Variants in KIAA0586 observed in about 807,000 individuals in gnomAD.
KIAA0586 encodes the protein protein TALPID3.
In KIAA0586, 144 loss-of-function variants were observed where a neutral mutation model predicts 169.8. The ratio of observed to expected loss-of-function variants is 0.85; its 90% CI spans 0.74 to 0.97. The LOEUF (loss-of-function observed/expected upper bound fraction) is 0.97, where lower values mean the gene tolerates loss of function less well. Ranked by LOEUF, KIAA0586 falls within the 50% of genes least tolerant of loss-of-function variation. KIAA0586 has a pLI of 0.00. For synonymous variants in KIAA0586, 625 were observed against 612.4 expected (o/e 1.02, Z -0.30); for missense variants, 1,854 against 1,823.0 (o/e 1.02, Z -0.31).
At chr14:58,540,932 G>T (rs927734032) in intron 30 of KIAA0586, among the ~76,000 whole-genome samples, 1 of 152,248 alleles carries the variant, frequency 6.6e-6, no homozygotes, top group Non-Finnish European at 1.5e-5. Context: ...GGTTAAGTAT[G>T]TGAGGAGAAT....
chr14:58,477,409 C>G (rs772469413), intron 20 of KIAA0586, among the ~76,000 whole-genome samples, 168 bp downstream of exon 20: 8 of 152,198 alleles, frequency 5.3e-5, no homozygotes, highest in Non-Finnish European at 8.8e-5. Flanking sequence ...CTCTCACCCT[C>G]TTATTTCATA....
chr14:58,483,035 A>C (rs371530325), intron 21 of KIAA0586, among the ~76,000 whole-genome samples: 1 of 152,242 alleles, frequency 6.6e-6, no homozygotes, highest in East Asian at 1.9e-4. Flanking sequence ...AAAGTGTGAT[A>C]AAATGAACAT....
chr14:58,456,654 A>G, intron 9 of KIAA0586, 48 bp from the exon 10 acceptor site: 1 of 1,026,988 alleles, frequency 9.7e-7, no homozygotes, highest in Non-Finnish European at 1.5e-6. Flanking sequence ...CAATTTAGGA[A>G]ACTTTTTCAA....
Position 58,427,919 on chromosome 14 carries a change from A to G in KIAA0586, c.-346A>G. The stretch of plus-strand genomic sequence containing the variant: ...TTTGCTTGACTGCCTCTTCTCAACA[A>G]ATTTTAAGCCCGCCACTACATGTGT... On this transcript the variant is annotated 5_prime_UTR_variant, in exon 1 of 31. Transcript: ENST00000652326. The G allele has an allele frequency of 7.3e-7, 1 of 1,374,352 alleles. No individual in the cohort carries two copies. 85.1% of individuals were successfully genotyped at this position (1,374,352 alleles called of 1,614,324 possible).
chr14:58,478,705 A>C (rs911626303), intron 20 of KIAA0586, among the ~76,000 whole-genome samples: 3 of 152,138 alleles, frequency 2.0e-5, no homozygotes, highest in African/African-American at 7.2e-5. Flanking sequence ...GTCTTCTCCA[A>C]AAGCTTCCTT....
In KIAA0586 at chr14:58,550,400, C is replaced by T. The variant is rs372503257; in HGVS notation, c.*2468C>T. On this transcript the variant is annotated 3_prime_UTR_variant, in exon 31 of 31. Transcript: ENST00000652326. Reference sequence around the variant, plus strand: ...GATTCTTTTGGAATAAGACGATGTACGTAAAAACAAACTAAATGGAACTTT... The same window carrying T: ...GATTCTTTTGGAATAAGACGATGTATGTAAAAACAAACTAAATGGAACTTT... The T allele has an allele frequency of 3.9e-5, 6 of 152,258 alleles. 1 individual carries two copies. Among genetic ancestry groups the T allele is most frequent in the East Asian group, 1.9e-4 (1 of 5,184 alleles). The allele number at this position is 152,258 out of a possible 1,614,324, so 9.4% of individuals were successfully genotyped here.
chr14:58,518,108 A>T (rs2044895291), intron 29 of KIAA0586, among the ~76,000 whole-genome samples: 1 of 152,172 alleles, frequency 6.6e-6, no homozygotes, highest in Admixed American at 6.5e-5. Flanking sequence ...ATTATACTTC[A>T]ATAAAATGAT....
At chr14:58,492,732 A>G (rs2042912693) in intron 26 of KIAA0586, among the ~76,000 whole-genome samples, 1 of 152,240 alleles carries the variant, frequency 6.6e-6, no homozygotes, top group Non-Finnish European at 1.5e-5. Context: ...CTGAAGTTAG[A>G]TGACACTTCA....
At chr14:58,434,902 GC>G (rs781773126) in intron 4 of KIAA0586, among the ~76,000 whole-genome samples, 3 of 146,894 alleles carry the variant, frequency 2.0e-5, no homozygotes, top group African/African-American at 5.1e-5. Context: ...CCCCCTAACC[GC>G]CCCCCCGCCA....
chr14:58,467,887 T>C lies in KIAA0586; in HGVS notation c.2407T>C (p.Ser803Pro), dbSNP rs886039806. 1.2e-6 allele frequency: 2 copies of C among 1,612,042 alleles called. No homozygotes were observed. Among genetic ancestry groups the C allele is most frequent in the African/African-American group, 2.7e-5 (2 of 74,632 alleles). ...TAACATAGCCATTGTAGAAATGAAG[T>C]CAGAAAAAAAGGATCCTCCTCAGCT... ...KPNIAIVEMK[S>P]EKKDPPQLTV... The change falls in exon 16 of 31, where the codon TCA (serine) becomes CCA (proline). Residue 803 changes from serine (S) to proline (P), a missense_variant. Physicochemically the swap from Ser to Pro is moderately conservative, Grantham distance 74 (BLOSUM62 -1). Transcript: ENST00000652326.
At chr14:58,468,243 G>T (rs1019500518) in intron 16 of KIAA0586, among the ~76,000 whole-genome samples, 3 of 151,850 alleles carry the variant, frequency 2.0e-5, no homozygotes, top group East Asian at 1.9e-4. Flanking sequence ...TAGAGATGGG[G>T]TTTCATATGT....
intron 29 of KIAA0586, chr14:58,521,898 G>GGAT (rs1431561124): frequency 7.5e-7 from 1 of 1,327,640 alleles, no homozygotes; most frequent in African/African-American, 1.5e-5. Context: ...TGAAGATGGG[G>GGAT]GATGACCAGC....
At chr14:58,464,423 TAA>T (rs59548816) in intron 14 of KIAA0586, among the ~76,000 whole-genome samples, 375 of 147,742 alleles carry the variant, frequency 2.5e-3, no homozygotes, top group Admixed American at 2.5e-3. Context: ...TTCCTGCATT[TAA>T]AAAAAAAAAA....
chr14:58,460,476 T>A lies in KIAA0586; in HGVS notation c.1884+406T>A, dbSNP rs113375052. Among the ~76,000 whole-genome samples, 128 of 152,200 alleles carry A rather than the reference T, an allele frequency of 8.4e-4. No individual in the cohort carries two copies. The Middle Eastern group carries it at 0.037, about 44-fold the overall frequency. On this transcript the variant is annotated intron_variant, in intron 13 of 30. Coordinates refer to ENST00000652326, the MANE Select transcript of KIAA0586 (RefSeq NM_001329943.3). ...ATGCAAGGCGTGGTACTAGATGGTA[T>A]GGAGGAAATTTTTTTGACTGCTGTA...
intron 4 of KIAA0586, among the ~76,000 whole-genome samples, chr14:58,436,392 T>C (rs1483097593): frequency 6.6e-6 from 1 of 151,460 alleles, no homozygotes; most frequent in African/African-American, 2.4e-5. Flanking sequence ...CAGAAGTCTA[T>C]AGAATCTGTC....
chr14:58,499,706 C>T (rs2043421379), intron 27 of KIAA0586, among the ~76,000 whole-genome samples: 2 of 152,006 alleles, frequency 1.3e-5, no homozygotes, highest in South Asian at 4.2e-4. Flanking sequence ...TTACAGGCGC[C>T]TGCCACCATG....
chr14:58,555,095 C>CTTT (rs375867068), downstream of KIAA0586, among the ~76,000 whole-genome samples: 41 of 113,454 alleles, frequency 3.6e-4, no homozygotes, highest in African/African-American at 1.3e-3. Context: ...CTTTTTCTTT[C>CTTT]TTTCTTTTTT....
At chr14:58,553,507 A>C (rs1189976680), downstream of KIAA0586, among the ~76,000 whole-genome samples, 4 of 151,430 alleles carry the variant, frequency 2.6e-5, no homozygotes, top group Non-Finnish European at 5.9e-5. Context: ...GAGTCAGTTC[A>C]TTTGATTGGG....
At position 58,456,825 on chromosome 14, in the gene KIAA0586, G is replaced by A. The variant is rs745523643; in HGVS notation, c.1362+15G>A. The A allele has an allele frequency of 1.5e-6, 2 of 1,323,444 alleles. No homozygotes were observed. The highest frequency in any genetic ancestry group is 2.5e-5 in the South Asian group (2 of 79,384). 82.0% of individuals were successfully genotyped at this position (1,323,444 alleles called of 1,614,324 possible). A position where few individuals can be genotyped will look rare whatever the true frequency, so the allele number is the denominator to read the frequency against. ...GCATGGTCCAGGTAAAGTGGGAATGGTCTTAAAATTGATGATTAGTTAAGA... is the reference window on the plus strand; with the variant it reads ...GCATGGTCCAGGTAAAGTGGGAATGATCTTAAAATTGATGATTAGTTAAGA... On this transcript the variant is annotated intron_variant, in intron 10 of 30. Coordinates refer to ENST00000652326, the MANE Select transcript of KIAA0586 (RefSeq NM_001329943.3).
Sources: allele counts gnomAD v4.1 joint callset (sites outside exome capture counted in the v4.1 genomes callset), GRCh38; gene constraint gnomAD v4.1.1; transcripts MANE v1.5; gene names NCBI Gene and HGNC (gene_info 2026-07-23, HGNC 2026-07-21).